The following FRMPD4 variants were observed in gnomAD, a reference collection of about 807,000 sequenced individuals.
FRMPD4 encodes the protein FERM and PDZ domain-containing protein 4.
FRMPD4 carries 22 observed loss-of-function variants against 94.1 expected under a neutral mutation model. The ratio of observed to expected loss-of-function variants is 0.23; its 90% CI spans 0.17 to 0.33. The LOEUF (loss-of-function observed/expected upper bound fraction) is 0.33, where lower values mean the gene tolerates loss of function less well. FRMPD4 is among the 10% of genes least tolerant of loss of function. The pLI is 1.00. For missense variants in FRMPD4, 1,111 were observed against 1,339.9 expected (o/e 0.83, Z 2.67); for synonymous variants, 631 against 548.6 (o/e 1.15, Z -2.10).
At chrX:12,121,693 G>A (rs1249652964) in intron 3 of FRMPD4, among the ~76,000 whole-genome samples, 2 of 111,677 alleles carry the variant, frequency 1.8e-5, no homozygotes, top group Admixed American at 1.9e-4. Context: ...AGATAAAGCT[G>A]AACTGTGTAC....
intron 1 of FRMPD4, among the ~76,000 whole-genome samples, chrX:12,317,664 T>G (rs973744539): frequency 1.8e-5 from 2 of 109,167 alleles, no homozygotes; most frequent in African/African-American, 6.8e-5. Context: ...GAATAGACAT[T>G]TCTCAAAAGA....
At chrX:12,082,828 G>C (rs183929373) in intron 3 of FRMPD4, among the ~76,000 whole-genome samples, 126 of 111,848 alleles carry the variant, frequency 1.1e-3, no homozygotes, top group African/African-American at 4.1e-3. Context: ...CCCTGCCCTA[G>C]AGATTGGTGG....
At chrX:12,647,556 G>A (rs1003785861) in intron 4 of FRMPD4, among the ~76,000 whole-genome samples, 3 of 111,911 alleles carry the variant, frequency 2.7e-5, no homozygotes, top group African/African-American at 9.7e-5. Flanking sequence ...CCCCAGGCAG[G>A]TGGAAATGAA....
At chrX:12,562,874 T>G (rs1054164221) in intron 2 of FRMPD4, among the ~76,000 whole-genome samples, 2 of 112,295 alleles carry the variant, frequency 1.8e-5, no homozygotes. Flanking sequence ...GGTCTCAAAC[T>G]CTTGGGCTCA....
At chrX:11,969,245 T>C (rs2054327320) in intron 3 of FRMPD4, among the ~76,000 whole-genome samples, 1 of 112,639 alleles carries the variant, frequency 8.9e-6, no homozygotes, top group African/African-American at 3.2e-5. Flanking sequence ...CTCAGCTCTC[T>C]CAGTATGGCA....
At chrX:12,316,589 C>T (rs1014197332) in intron 1 of FRMPD4, among the ~76,000 whole-genome samples, 2 of 111,761 alleles carry the variant, frequency 1.8e-5, no homozygotes, top group African/African-American at 3.3e-5. Context: ...TATTTTGTAT[C>T]GAACATGACC....
At position 12,475,996 on chromosome X, in the gene FRMPD4, G is replaced by A. The variant is rs190266347; in HGVS notation, c.42-22684G>A. Among the ~76,000 whole-genome samples, 619 of 111,711 alleles carry A rather than the reference G, an allele frequency of 5.5e-3. 5 individuals carry two copies. Among genetic ancestry groups the A allele is most frequent in the Non-Finnish European group, 8.2e-3 (433 of 53,118 alleles). ...TTCGTATGGAACCAAAAAAGAGCCC[G>A]CATTGCCAAGTCAATCCTAAGCCAA... On this transcript the variant is annotated intron_variant, in intron 1 of 16. Transcript: ENST00000675598.
intron 4 of FRMPD4, among the ~76,000 whole-genome samples, chrX:12,654,240 G>A (rs182938459): frequency 1.1e-3 from 124 of 112,166 alleles, no homozygotes; most frequent in Non-Finnish European, 2.0e-3. Context: ...GCTGGCTTCT[G>A]TGAACTTTCA....
intron 1 of FRMPD4, among the ~76,000 whole-genome samples, chrX:12,476,882 T>A (rs759924840): frequency 5.4e-5 from 6 of 111,771 alleles, no homozygotes; most frequent in Non-Finnish European, 1.1e-4. Context: ...GTAAACTAGT[T>A]CAACCATTGT....
At chrX:12,255,968 G>C (rs1214125335) in intron 1 of FRMPD4, among the ~76,000 whole-genome samples, 1 of 112,299 alleles carries the variant, frequency 8.9e-6, no homozygotes, top group African/African-American at 3.2e-5. Flanking sequence ...GAAGTTGAAA[G>C]CCAAGGGCAA....
intron 1 of FRMPD4, among the ~76,000 whole-genome samples, chrX:12,469,019 T>C (rs956392606): frequency 2.7e-5 from 3 of 112,250 alleles, no homozygotes; most frequent in Non-Finnish European, 3.8e-5. Flanking sequence ...TCTGATACCT[T>C]AGAAAAATGT....
chrX:12,033,841 G>A (rs1479370701), intron 3 of FRMPD4, among the ~76,000 whole-genome samples: 3 of 111,974 alleles, frequency 2.7e-5, no homozygotes, highest in African/African-American at 9.7e-5. Context: ...GGGATTACAG[G>A]CATGTGCCAC....
intron 3 of FRMPD4, among the ~76,000 whole-genome samples, chrX:12,103,105 G>C (rs1471792778): frequency 9.0e-6 from 1 of 111,191 alleles, no homozygotes; most frequent in Non-Finnish European, 1.9e-5. Context: ...CCTCTCCCCA[G>C]ATTTTCTGGG....
At chrX:12,530,407 A>C (rs1200015902) in intron 2 of FRMPD4, among the ~76,000 whole-genome samples, 6 of 111,386 alleles carry the variant, frequency 5.4e-5, no homozygotes, top group Non-Finnish European at 1.1e-4. Flanking sequence ...TTTGTCATTT[A>C]GGAAGTAGAG....
intron 1 of FRMPD4, among the ~76,000 whole-genome samples, chrX:11,827,062 T>TTATATATATA (rs796566750): frequency 1.2e-5 from 1 of 80,605 alleles, no homozygotes; most frequent in African/African-American, 4.7e-5. Flanking sequence ...TAGATGGAAA[T>TTATATATATA]TATATATATA....
chrX:12,148,622 C>T (rs937067589), intron 1 of FRMPD4, among the ~76,000 whole-genome samples: 3 of 112,470 alleles, frequency 2.7e-5, no homozygotes, highest in South Asian at 7.4e-4. Context: ...TACACTAAAC[C>T]GCAGATTTTC....
intron 2 of FRMPD4, among the ~76,000 whole-genome samples, chrX:12,520,095 CT>C (rs142721674): frequency 1.8e-5 from 2 of 112,351 alleles, no homozygotes; most frequent in East Asian, 5.6e-4. Flanking sequence ...TATTTGCATA[CT>C]TTTGTTCATA....
intron 4 of FRMPD4, among the ~76,000 whole-genome samples, chrX:12,664,064 C>T (rs2059748535): frequency 8.9e-6 from 1 of 112,347 alleles, no homozygotes; most frequent in Non-Finnish European, 1.9e-5. Context: ...TTTCCTGAGA[C>T]TTTGCTGAAG....
At chrX:12,035,746 T>C (rs1432761408) in intron 3 of FRMPD4, among the ~76,000 whole-genome samples, 1 of 111,296 alleles carries the variant, frequency 9.0e-6, no homozygotes, top group Non-Finnish European at 1.9e-5. Context: ...ACAGAGATCA[T>C]GGGCCCAAAG....
Sources: gnomAD v4.1 joint callset for allele counts (sites outside exome capture counted in the v4.1 genomes callset) on GRCh38, gnomAD v4.1.1 for gene constraint, MANE v1.5 for transcripts, NCBI Gene and HGNC (gene_info 2026-07-23, HGNC 2026-07-21) for gene names.